The following RHOU variants were observed in gnomAD, a reference collection of about 807,000 sequenced individuals.
RHOU encodes rho-related GTP-binding protein RhoU.
A neutral mutation model predicts 12.6 loss-of-function variants in RHOU; 8 were observed. The observed-to-expected ratio is 0.64, with a 90% confidence interval of 0.37 to 1.15. RHOU has a LOEUF of 1.15. Among genes scored for constraint, RHOU ranks in the 50% most tolerant of loss-of-function variants. The pLI, the probability that RHOU is intolerant of heterozygous loss-of-function variation, is 0.01. For synonymous variants in RHOU, 161 were observed against 147.4 expected, an observed-to-expected ratio of 1.09 and a Z score of -0.67; for missense variants, 258 against 347.0, an observed-to-expected ratio of 0.74 and a Z score of 2.04.
chr1:228,706,157 G>C, the RHOU span, among the ~76,000 whole-genome samples: 1 of 152,226 alleles, frequency 6.6e-6, no homozygotes, highest in Non-Finnish European at 1.5e-5. Flanking sequence ...GCTGCTGTGA[G>C]AGAGCAATGG....
rs1242181320 is a variant in RHOU at position 228,744,735 on chromosome 1, CTG to C, written c.*1000_*1001del. 1.4e-4 allele frequency: 22 copies of C among 152,302 alleles called. No individual in the cohort carries two copies. The highest frequency in any genetic ancestry group is 5.1e-4 in the African/African-American group (21 of 41,556). 9.4% of individuals were successfully genotyped at this position (152,302 alleles called of 1,614,324 possible). The stretch of plus-strand genomic sequence containing the variant: ...CTTAAGTCGGCCAAGATGTACTTCT[CTG>C]TGTGCACACCCATGCACACTCATGC... On this transcript the variant is annotated 3_prime_UTR_variant, in exon 3 of 3. Transcript: ENST00000366691.
At chr1:228,683,534 G>GA in the RHOU span, among the ~76,000 whole-genome samples, 1 of 152,030 alleles carries the variant, frequency 6.6e-6, no homozygotes, top group Non-Finnish European at 1.5e-5. Flanking sequence ...AATGATAGAG[G>GA]AAAATGTTTT....
At chr1:228,651,196 C>T in the RHOU span, 2 of 207,950 alleles carry the variant, frequency 9.6e-6, no homozygotes, top group Non-Finnish European at 2.0e-5. Context: ...CACCCAATCC[C>T]TAGCTTCCCT....
chr1:228,691,700 A>G, the RHOU span, among the ~76,000 whole-genome samples: 1 of 152,206 alleles, frequency 6.6e-6, no homozygotes, highest in Non-Finnish European at 1.5e-5. Flanking sequence ...TAAAGCTTCT[A>G]TGAATATCTA....
chr1:228,691,983 T>A, the RHOU span, among the ~76,000 whole-genome samples: 1 of 152,228 alleles, frequency 6.6e-6, no homozygotes, highest in African/African-American at 2.4e-5. Flanking sequence ...ACAGACTAAA[T>A]GCAATCATGA....
At chr1:228,666,506 T>A in the RHOU span, among the ~76,000 whole-genome samples, 1 of 152,220 alleles carries the variant, frequency 6.6e-6, no homozygotes, top group East Asian at 1.9e-4. Context: ...CCTACAGTGA[T>A]ATAGAACACT....
the RHOU span, among the ~76,000 whole-genome samples, chr1:228,702,754 T>G: frequency 6.6e-6 from 1 of 152,196 alleles, no homozygotes; most frequent in Non-Finnish European, 1.5e-5. Context: ...TTACCAACAA[T>G]TTAAAAACTA....
At chr1:228,717,461 G>A in the RHOU span, among the ~76,000 whole-genome samples, 1 of 123,226 alleles carries the variant, frequency 8.1e-6, no homozygotes, top group African/African-American at 3.1e-5. Context: ...AGATGTTAGG[G>A]AGAATATCTA....
the RHOU span, among the ~76,000 whole-genome samples, chr1:228,691,156 C>A: frequency 1.3e-5 from 2 of 151,792 alleles, no homozygotes; most frequent in Non-Finnish European, 2.9e-5. Flanking sequence ...ACAGAAAATG[C>A]AGAGAGTTCC....
chr1:228,715,786 C>T, the RHOU span, among the ~76,000 whole-genome samples: 1 of 150,476 alleles, frequency 6.6e-6, no homozygotes, highest in East Asian at 1.9e-4. Context: ...GTGTTTTTAT[C>T]TGTTTCTTGG....
the RHOU span, among the ~76,000 whole-genome samples, chr1:228,710,470 G>A: frequency 2.6e-4 from 40 of 152,112 alleles, no homozygotes; most frequent in Non-Finnish European, 5.7e-4. Flanking sequence ...CCATGATCAA[G>A]TGGGCTTCAT....
At chr1:228,661,286 A>G in the RHOU span, among the ~76,000 whole-genome samples, 1 of 152,238 alleles carries the variant, frequency 6.6e-6, no homozygotes, top group Non-Finnish European at 1.5e-5. Context: ...ATTCAATGCC[A>G]TCCCCATCAA....
the RHOU span, among the ~76,000 whole-genome samples, chr1:228,692,051 ATACTTTAGGCTG>A: frequency 2.8e-4 from 42 of 152,228 alleles, no homozygotes; most frequent in Admixed American, 5.2e-4. Flanking sequence ...TTAACCATAA[ATACTTTAGGCTG>A]TAATTATGTA....
rs868698066 is a variant in RHOU, at chr1:228,744,014, A to G, written c.*274A>G. 10 of 351,854 alleles carry G rather than the reference A, an allele frequency of 2.8e-5. No homozygotes were observed. The highest frequency in any genetic ancestry group is 4.6e-5 in the Non-Finnish European group (9 of 193,694). 21.8% of individuals were successfully genotyped at this position (351,854 alleles called of 1,614,324 possible). Reference sequence around the variant, plus strand: ...AGAGTTCTAGACCTCTGGTTAATTTATATCTAATATGAAGAAGACACCTCT... The same window carrying G: ...AGAGTTCTAGACCTCTGGTTAATTTGTATCTAATATGAAGAAGACACCTCT... On this transcript the variant is annotated 3_prime_UTR_variant, in exon 3 of 3. Transcript: ENST00000366691.
At chr1:228,684,836 C>T in the RHOU span, among the ~76,000 whole-genome samples, 23 of 152,076 alleles carry the variant, frequency 1.5e-4, no homozygotes, top group Admixed American at 3.9e-4. Context: ...GAAACGGTCC[C>T]GATAATAGCT....
upstream of RHOU, among the ~76,000 whole-genome samples, chr1:228,731,213 A>AT (rs1444793254): frequency 1.3e-5 from 2 of 152,166 alleles, no homozygotes; most frequent in African/African-American, 4.8e-5. Context: ...ATTTCACTAG[A>AT]TAAGGGCTGT....
chr1:228,691,254 CATT>C, the RHOU span, among the ~76,000 whole-genome samples: 1 of 152,154 alleles, frequency 6.6e-6, no homozygotes, highest in African/African-American at 2.4e-5. Context: ...ATTGACACAT[CATT>C]ATCACCAGTC....
In RHOU at chr1:228,735,910, C is replaced by T. The variant is rs1162059478; in HGVS notation, c.168C>T (p.Gly56=). The part of the protein sequence containing the change: ...EGRGVKCVLV[G]DGAVGKTSLV... ...GCGGCGTCAAGTGCGTGCTGGTCGG[C>T]GACGGCGCGGTGGGCAAGACGAGCC... is the stretch of plus-strand genomic sequence containing the variant. Residue 56 remains glycine, a synonymous_variant, in exon 1 of 3, where the codon GGC becomes GGT. Coordinates refer to ENST00000366691, the MANE Select transcript of RHOU (RefSeq NM_021205.6). This position sits in a 1 kb window ranked among gnomAD's most constrained non-coding sequence, Gnocchi z 8.1. The T allele has an allele frequency of 4.5e-6, 7 of 1,558,642 alleles. No individual in the cohort carries two copies. The highest frequency in any genetic ancestry group is 1.4e-5 in the African/African-American group (1 of 70,486).
chr1:228,707,105 C>CATATATATATATATATAT, the RHOU span, among the ~76,000 whole-genome samples: 8 of 70,838 alleles, frequency 1.1e-4, no homozygotes, highest in African/African-American at 2.2e-4. Flanking sequence ...TATATACATA[C>CATATATATATATATATAT]ATATATATAT....
Sources: gnomAD v4.1 joint callset for allele counts (sites outside exome capture counted in the v4.1 genomes callset) on GRCh38, gnomAD v4.1.1 for gene constraint, Gnocchi (gnomAD v3.1) non-coding constraint, MANE v1.5 for transcripts, NCBI Gene and HGNC (gene_info 2026-07-23, HGNC 2026-07-21) for gene names.